Variants in WDR70 observed in about 807,000 individuals in gnomAD.
The protein encoded by WDR70 is WD repeat domain 70.
Under a neutral mutation model 88.6 loss-of-function variants are expected in WDR70, and 53 were observed. The ratio of observed to expected loss-of-function variants is 0.60; its 90% CI spans 0.48 to 0.75. The LOEUF (loss-of-function observed/expected upper bound fraction) is 0.75. WDR70 is among the 30% of genes least tolerant of loss of function. The probability of loss-of-function intolerance (pLI) is 0.00; values close to 1 mark genes in which losing one functional copy is unlikely to be tolerated. For missense variants in WDR70, 610 were observed against 823.2 expected, an observed-to-expected ratio of 0.74 and a Z score of 3.17; for synonymous variants, 280 against 270.0, an observed-to-expected ratio of 1.04 and a Z score of -0.36.
chr5:37,600,705 G>T (rs1407820674), intron 9 of WDR70, among the ~76,000 whole-genome samples: 2 of 152,018 alleles, frequency 1.3e-5, no homozygotes, highest in East Asian at 3.8e-4. Context: ...AATCACAATG[G>T]CATTTTTCAT....
chr5:37,739,634 C>G (rs1461354952), intron 17 of WDR70, among the ~76,000 whole-genome samples: 1 of 152,046 alleles, frequency 6.6e-6, no homozygotes, highest in East Asian at 1.9e-4. Flanking sequence ...AAGCACCCAA[C>G]AGAATATTTC....
chr5:37,410,941 C>G (rs1287640368), intron 5 of WDR70, among the ~76,000 whole-genome samples: 1 of 152,150 alleles, frequency 6.6e-6, no homozygotes, highest in South Asian at 2.1e-4. Context: ...TAAGAGCTGC[C>G]TCAAGATAGA....
intron 9 of WDR70, among the ~76,000 whole-genome samples, chr5:37,546,121 G>T (rs1741983994): frequency 6.6e-6 from 1 of 152,072 alleles, no homozygotes; most frequent in African/African-American, 2.4e-5. Context: ...TAAATTTTAT[G>T]TACGTGTTTG....
At chr5:37,709,793 T>C (rs1747457340) in intron 13 of WDR70, among the ~76,000 whole-genome samples, 1 of 152,112 alleles carries the variant, frequency 6.6e-6, no homozygotes, top group Non-Finnish European at 1.5e-5. Context: ...TGAAAAACAA[T>C]GTTGCATTTT....
chr5:37,686,895 T>C (rs1022935771), intron 10 of WDR70, among the ~76,000 whole-genome samples: 12 of 150,402 alleles, frequency 8.0e-5, no homozygotes, highest in Admixed American at 2.0e-4. Flanking sequence ...ATAAGAGGCC[T>C]ACGAGATTGT....
chr5:37,528,607 AC>A (rs1161912870), intron 9 of WDR70, among the ~76,000 whole-genome samples: 3 of 144,516 alleles, frequency 2.1e-5, no homozygotes, highest in Non-Finnish European at 4.6e-5. Flanking sequence ...GTACACATGT[AC>A]CCTAGAACTT....
At chr5:37,687,840 G>A in intron 10 of WDR70, 2 of 578,164 alleles carry the variant, frequency 3.5e-6, no homozygotes, top group South Asian at 2.3e-5. Context: ...TCAGGGTAGT[G>A]AAAAGCACAG....
chr5:37,551,768 GTTTTTT>G (rs1176757597), intron 9 of WDR70, among the ~76,000 whole-genome samples: 2 of 92,726 alleles, frequency 2.2e-5, no homozygotes, highest in African/African-American at 4.2e-5. Context: ...TCATTGTTTA[GTTTTTT>G]TTTTTTTTTT....
At chr5:37,695,247 T>G (rs908039990) in intron 10 of WDR70, among the ~76,000 whole-genome samples, 2 of 152,162 alleles carry the variant, frequency 1.3e-5, no homozygotes, top group Non-Finnish European at 2.9e-5. Context: ...AAGGGACTGG[T>G]GCTAAACCAT....
intron 17 of WDR70, among the ~76,000 whole-genome samples, chr5:37,740,956 C>G (rs1001445727): frequency 3.9e-5 from 6 of 152,184 alleles, no homozygotes; most frequent in African/African-American, 1.4e-4. Flanking sequence ...CAGAGTAACA[C>G]TTTGGACATT....
intron 9 of WDR70, among the ~76,000 whole-genome samples, chr5:37,555,257 C>G (rs1345191875): frequency 1.3e-5 from 2 of 152,156 alleles, no homozygotes; most frequent in Non-Finnish European, 2.9e-5. Context: ...TCTTAAAACA[C>G]TTATTAATGA....
intron 5 of WDR70, among the ~76,000 whole-genome samples, chr5:37,424,232 T>G (rs1235986232): frequency 2.0e-5 from 3 of 150,562 alleles, no homozygotes; most frequent in African/African-American, 7.3e-5. Flanking sequence ...TTTTTGGAAT[T>G]AAAGTGTTCT....
chr5:37,488,021 G>A (rs1461889458), intron 8 of WDR70, among the ~76,000 whole-genome samples: 2 of 150,720 alleles, frequency 1.3e-5, no homozygotes, highest in South Asian at 2.1e-4. Flanking sequence ...TTGTTTGCCT[G>A]AGAAAGACTT....
At chr5:37,442,383 G>C (rs1193333893) in intron 6 of WDR70, among the ~76,000 whole-genome samples, 1 of 149,500 alleles carries the variant, frequency 6.7e-6, no homozygotes, top group East Asian at 2.0e-4. Context: ...CTGTCACCCA[G>C]GGTGGAATGC....
chr5:37,408,328 G>A (rs751931813), intron 5 of WDR70, among the ~76,000 whole-genome samples: 24 of 152,040 alleles, frequency 1.6e-4, no homozygotes, highest in Non-Finnish European at 2.9e-4. Flanking sequence ...AAAAAAATTA[G>A]CCAGGTGTCA....
Position 37,701,080 on chromosome 5 carries a change from G to A in WDR70, c.1215G>A (p.Trp405Ter), listed in dbSNP as rs1188054430. The change falls in exon 12 of 18, where the codon TGG becomes TGA. Residue 405 changes from tryptophan (W) to a stop codon, truncating the protein, a stop_gained. Coordinates refer to ENST00000265107, the MANE Select transcript of WDR70 (RefSeq NM_018034.4). LOFTEE classifies it high-confidence loss of function. ...SRGGDDSLKL[W>*]DIRQFNKPLF... is the part of the protein sequence containing the mutation. ...CAGGTGACGATTCATTAAAATTATG[G>A]GACATCCGACAATTTAATAAACCAC... The A allele has an allele frequency of 6.2e-7, 1 of 1,611,564 alleles. No homozygotes were observed. The highest frequency in any genetic ancestry group is 1.7e-5 in the Admixed American group (1 of 59,992).
chr5:37,571,913 A>G (rs1173593397), intron 9 of WDR70, among the ~76,000 whole-genome samples: 3 of 152,138 alleles, frequency 2.0e-5, no homozygotes, highest in Admixed American at 2.0e-4. Context: ...AGTCCGAAAA[A>G]CAAAAAGCTG....
chr5:37,549,245 A>G (rs1742076664), intron 9 of WDR70, among the ~76,000 whole-genome samples: 1 of 152,212 alleles, frequency 6.6e-6, no homozygotes, highest in African/African-American at 2.4e-5. Context: ...CATTTTAACA[A>G]TATTGATTCT....
intron 9 of WDR70, among the ~76,000 whole-genome samples, chr5:37,537,666 G>A (rs1388779927): frequency 6.6e-6 from 1 of 151,930 alleles, no homozygotes; most frequent in East Asian, 1.9e-4. Context: ...TTTTATTGTT[G>A]AGCAAACTCT....
Sources: gnomAD v4.1 joint callset for allele counts (sites outside exome capture counted in the v4.1 genomes callset) on GRCh38, gnomAD v4.1.1 for gene constraint, MANE v1.5 for transcripts, NCBI Gene and HGNC (gene_info 2026-07-23, HGNC 2026-07-21) for gene names.